Variants in KHK observed in about 807,000 individuals in gnomAD.
KHK encodes the protein fructokinase.
KHK carries 37 observed loss-of-function variants against 36.0 expected under a neutral mutation model. The observed-to-expected ratio is 1.03, with a 90% CI of 0.79 to 1.35. KHK has a LOEUF of 1.35. KHK is among the 40% of genes most tolerant of loss of function. KHK has a pLI of 0.00. For missense variants in KHK, 395 were observed against 391.9 expected (o/e 1.01, Z -0.07); for synonymous variants, 161 against 162.8 (o/e 0.99, Z 0.08).
rs1394260211 is a variant in KHK, at chr2:27,096,639, C to T, written c.345-90C>T. The T allele has an allele frequency of 5.0e-6, 5 of 999,184 alleles. No homozygotes were observed. The African/African-American group carries it at 6.4e-5, about 13-fold the overall frequency. 61.9% of individuals were successfully genotyped at this position (999,184 alleles called of 1,614,324 possible). On this transcript the variant is annotated intron_variant, in intron 3 of 7. Coordinates refer to ENST00000260598, the MANE Select transcript of KHK (RefSeq NM_006488.3). Reference sequence around the variant, plus strand: ...CCTGTCATGCTGCCAGCAGTGCAGGCACAGGGTCCACAGCTGCCAGTTAGA... The same window carrying T: ...CCTGTCATGCTGCCAGCAGTGCAGGTACAGGGTCCACAGCTGCCAGTTAGA...
chr2:27,087,395 AGTCCAGCATTT>A, intron 1 of KHK, 44 bp downstream of exon 1: 1 of 1,452,458 alleles, frequency 6.9e-7, no homozygotes, highest in East Asian at 2.5e-5. Flanking sequence ...GGGCTGCTGC[AGTCCAGCATTT>A]GTGCCAGCGA....
In KHK at chr2:27,100,593, C is replaced by A. The variant is rs1007451301; in HGVS notation, c.*843C>A. The A allele has an allele frequency of 1.6e-6, 2 of 1,261,454 alleles. No homozygotes were observed. The highest frequency in any genetic ancestry group is 1.1e-4 in the East Asian group (2 of 17,854). The allele number at this position is 1,261,454 out of a possible 1,614,324, so 78.1% of individuals were successfully genotyped here. ...TAAAGGGCTTTAGAGTGAGACAGAC[C>A]TGGATTAAAATCTGCCATTTAATTA... On this transcript the variant is annotated 3_prime_UTR_variant, in exon 8 of 8. Transcript: ENST00000260598.
intron 2 of KHK, 175 bp from the exon 3 acceptor site, chr2:27,094,625 T>A: frequency 6.2e-7 from 1 of 1,614,064 alleles, no homozygotes; most frequent in South Asian, 1.1e-5. Context: ...TGTACAACTG[T>A]CTGTGCCTTG....
chr2:27,096,101 ACTCGG>A (rs1230210480), intron 3 of KHK, among the ~76,000 whole-genome samples: 1 of 152,128 alleles, frequency 6.6e-6, no homozygotes, highest in East Asian at 1.9e-4. Flanking sequence ...AAGTGGAAGG[ACTCGG>A]CTACAGAACG....
In KHK at chr2:27,087,336, A is replaced by G. The variant is rs968617509; in HGVS notation, c.77A>G (p.Glu26Gly). 2 of 1,593,644 alleles carry G rather than the reference A, an allele frequency of 1.3e-6. No homozygotes were observed. Among genetic ancestry groups the G allele is most frequent in the African/African-American group, 1.3e-5 (1 of 74,542 alleles). Reference protein sequence around the residue: ...VISLVDKYPKEDSEIRCLSQR... With the variant: ...VISLVDKYPKGDSEIRCLSQR... Reference sequence around the variant, plus strand: ...AGCCTGGTGGACAAGTACCCTAAGGAGGACTCGGAGATAAGGTAGGGGCGC... The same window carrying G: ...AGCCTGGTGGACAAGTACCCTAAGGGGGACTCGGAGATAAGGTAGGGGCGC... Residue 26 changes from glutamate (E) to glycine (G), a missense_variant, in exon 1 of 8, where the codon GAG (glutamate) becomes GGG (glycine). Transcript: ENST00000260598.
At chr2:27,096,149 T>C (rs1670320796) in intron 3 of KHK, among the ~76,000 whole-genome samples, 1 of 152,244 alleles carries the variant, frequency 6.6e-6, no homozygotes, top group African/African-American at 2.4e-5. Flanking sequence ...TTGAGGTCTC[T>C]GGCTCAGGAG....
chr2:27,100,650 C>G lies in KHK; in HGVS notation c.*900C>G, dbSNP rs768359285. ...TATCACCTTAGGGTACAGCACTTAA[C>G]GCAATCTGCCTCAATTTCTTCATCT... is the stretch of plus-strand genomic sequence containing the variant. On this transcript the variant is annotated 3_prime_UTR_variant, in exon 8 of 8. Coordinates refer to ENST00000260598, the MANE Select transcript of KHK (RefSeq NM_006488.3). The G allele has an allele frequency of 7.1e-5, 75 of 1,063,002 alleles. No homozygotes were observed. Among genetic ancestry groups the G allele is most frequent in the Non-Finnish European group, 9.0e-5 (74 of 817,830 alleles). The allele number at this position is 1,063,002 out of a possible 1,614,324, so 65.8% of individuals were successfully genotyped here.
At chr2:27,098,193 G>A (rs1209325943) in intron 5 of KHK, among the ~76,000 whole-genome samples, 2 of 152,112 alleles carry the variant, frequency 1.3e-5, no homozygotes, top group Non-Finnish European at 2.9e-5. Flanking sequence ...CCTCAACCTT[G>A]TGACTTGTCC....
Position 27,100,561 on chromosome 2 carries a change from T to C in KHK, c.*811T>C, listed in dbSNP as rs1264416321. On this transcript the variant is annotated 3_prime_UTR_variant, in exon 8 of 8. Transcript: ENST00000260598. ...GTAAGGCCTTATAATGTAAAGAGCA[T>C]ATAATGTAAAGGGCTTTAGAGTGAG... 1 of 1,288,878 alleles carries C rather than the reference T, an allele frequency of 7.8e-7. No homozygotes were observed. The highest frequency in any genetic ancestry group is 5.5e-5 in the East Asian group (1 of 18,158). The allele number at this position is 1,288,878 out of a possible 1,614,324, so 79.8% of individuals were successfully genotyped here. A position where few individuals can be genotyped will look rare whatever the true frequency, so the allele number is the denominator to read the frequency against.
chr2:27,099,913 T>TGGGGGGATGGC lies in KHK; in HGVS notation c.*164_*174dup. 2.0e-6 allele frequency: 3 copies of TGGGGGGATGGC among 1,491,990 alleles called. No homozygotes were observed. The highest frequency in any genetic ancestry group is 2.7e-6 in the Non-Finnish European group (3 of 1,095,004). The allele number at this position is 1,491,990 out of a possible 1,614,324, so 92.4% of individuals were successfully genotyped here. A position where few individuals can be genotyped will look rare whatever the true frequency, so the allele number is the denominator to read the frequency against. On this transcript the variant is annotated 3_prime_UTR_variant, in exon 8 of 8. Transcript: ENST00000260598. ...CTGTGTTCCCCACAGGGAGAGGCTC[T>TGGGGGGATGGC]GGGGGGATGGCTGGGGGATGCAGAG...
chr2:27,096,273 C>T (rs1396087174), intron 3 of KHK, among the ~76,000 whole-genome samples: 1 of 152,194 alleles, frequency 6.6e-6, no homozygotes, highest in Non-Finnish European at 1.5e-5. Flanking sequence ...AAACGCAGGA[C>T]AGGGGTGCCA....
chr2:27,092,495 T>C (rs758848392), intron 2 of KHK, 47 bp downstream of exon 2: 13 of 1,376,752 alleles, frequency 9.4e-6, no homozygotes, highest in South Asian at 3.5e-5. Flanking sequence ...GCCTGCATCA[T>C]TGTGGGAGAA....
chr2:27,100,042 TG>T lies in KHK; in HGVS notation c.*293del. ...CTCTGACTCTTCGATCCTCCCTCTT[TG>T]TGTCCATTCCCCAAATTAACCTCTC... On this transcript the variant is annotated 3_prime_UTR_variant, in exon 8 of 8. Coordinates refer to ENST00000260598, the MANE Select transcript of KHK (RefSeq NM_006488.3). The T allele has an allele frequency of 1.6e-6, 1 of 643,080 alleles. No homozygotes were observed. The highest frequency in any genetic ancestry group is 2.7e-6 in the Non-Finnish European group (1 of 369,312). The allele number at this position is 643,080 out of a possible 1,614,324, so 39.8% of individuals were successfully genotyped here.
intron 2 of KHK, 181 bp from the exon 3 acceptor site, chr2:27,094,619 C>T (rs1392185814): frequency 6.2e-7 from 1 of 1,614,108 alleles, no homozygotes; most frequent in Non-Finnish European, 8.5e-7. Context: ...CAGGTTTGTA[C>T]AACTGTCTGT....
At chr2:27,094,481 G>A in intron 2 of KHK, 1 of 1,613,492 alleles carries the variant, frequency 6.2e-7, no homozygotes, top group East Asian at 2.2e-5. Flanking sequence ...TAGCAGTTTT[G>A]TCCTGGATGA....
chr2:27,098,071 G>A (rs1670508612), intron 5 of KHK, among the ~76,000 whole-genome samples: 1 of 152,184 alleles, frequency 6.6e-6, no homozygotes, highest in Non-Finnish European at 1.5e-5. Flanking sequence ...TGAGGGAAGG[G>A]TGGGAAGGAG....
At chr2:27,096,628 A>G in intron 3 of KHK, 101 bp from the exon 4 acceptor site, 1 of 895,188 alleles carries the variant, frequency 1.1e-6, no homozygotes, top group Non-Finnish European at 1.9e-6. Flanking sequence ...TCATGCTGCC[A>G]GCAGTGCAGG....
chr2:27,089,247 C>T lies in KHK; in HGVS notation c.92+1896C>T, dbSNP rs372594818. ...TGTTGACCATCTCTTGGAGTTGACCCTTTGCTTTGGTTTGCCAGAGGTTAG... is the reference window on the plus strand; with the variant it reads ...TGTTGACCATCTCTTGGAGTTGACCTTTTGCTTTGGTTTGCCAGAGGTTAG... On this transcript the variant is annotated intron_variant, in intron 1 of 7. Coordinates refer to ENST00000260598, the MANE Select transcript of KHK (RefSeq NM_006488.3). 1.1e-3 allele frequency among the ~76,000 whole-genome samples: 167 copies of T among 152,042 alleles called. 3 individuals carry two copies. The highest frequency in any genetic ancestry group is 3.6e-3 in the African/African-American group (150 of 41,478).
rs1317790980 is a variant in KHK, at chr2:27,086,990, C to G, written c.-270C>G. On this transcript the variant is annotated 5_prime_UTR_variant, in exon 1 of 8. Coordinates refer to ENST00000260598, the MANE Select transcript of KHK (RefSeq NM_006488.3). ...GTGGGAGGCGTTGCCATCTGCAGGC[C>G]CAGGCAACCTGCTACGGGAAGACCG... 1 of 394,048 alleles carries G rather than the reference C, an allele frequency of 2.5e-6. No homozygotes were observed. Among genetic ancestry groups the G allele is most frequent in the East Asian group, 4.1e-5 (1 of 24,530 alleles). The allele number at this position is 394,048 out of a possible 1,614,324, so 24.4% of individuals were successfully genotyped here. A position where few individuals can be genotyped will look rare whatever the true frequency, so the allele number is the denominator to read the frequency against.
Sources: gnomAD v4.1 joint callset for allele counts (sites outside exome capture counted in the v4.1 genomes callset) on GRCh38, gnomAD v4.1.1 for gene constraint, MANE v1.5 for transcripts, NCBI Gene and HGNC (gene_info 2026-07-23, HGNC 2026-07-21) for gene names.